Variants in ZNF423 observed in about 807,000 individuals in gnomAD.
ZNF423 encodes the protein zinc finger protein 423.
A neutral mutation model predicts 95.8 loss-of-function variants in ZNF423; 12 were observed. That is an observed-to-expected ratio of 0.13 (90% CI 0.08 to 0.20). The LOEUF (loss-of-function observed/expected upper bound fraction) is 0.20, where lower values mean the gene tolerates loss of function less well. Ranked by LOEUF, ZNF423 falls within the 10% of genes least tolerant of loss-of-function variation. The pLI is 1.00. For synonymous variants in ZNF423, 749 were observed against 711.9 expected, an observed-to-expected ratio of 1.05 and a Z score of -0.83; for missense variants, 1,316 against 1,737.1, an observed-to-expected ratio of 0.76 and a Z score of 4.31.
At chr16:49,600,763 C>T (rs929380822) in intron 5 of ZNF423, among the ~76,000 whole-genome samples, 3 of 152,192 alleles carry the variant, frequency 2.0e-5, no homozygotes, top group Non-Finnish European at 2.9e-5. Flanking sequence ...AAGGCTCCCT[C>T]GGCCACAGAC....
At chr16:49,730,554 G>A in intron 3 of ZNF423, 1 of 600,906 alleles carries the variant, frequency 1.7e-6, no homozygotes, top group Non-Finnish European at 2.9e-6. Flanking sequence ...CCGGGACAGA[G>A]CACCACCATC....
At chr16:49,764,518 G>A (rs371041480) in intron 2 of ZNF423, 4 of 152,274 alleles carry the variant, frequency 2.6e-5, no homozygotes, top group East Asian at 1.9e-4. Flanking sequence ...TGAAAGGTGC[G>A]TGCGGGACCC....
intron 3 of ZNF423, among the ~76,000 whole-genome samples, chr16:49,680,412 G>A (rs562560916): frequency 2.0e-5 from 3 of 152,232 alleles, no homozygotes; most frequent in Non-Finnish European, 4.4e-5. Flanking sequence ...ATGGCAGGAC[G>A]GAAAGAGCTA....
chr16:49,777,997 C>T (rs1272610419), intron 2 of ZNF423, among the ~76,000 whole-genome samples: 3 of 152,162 alleles, frequency 2.0e-5, no homozygotes, highest in African/African-American at 7.2e-5. Context: ...AGTAGAATAG[C>T]ATAAGTAAAA....
At chr16:49,741,527 GA>G (rs2143494968) in intron 2 of ZNF423, among the ~76,000 whole-genome samples, 1 of 152,146 alleles carries the variant, frequency 6.6e-6, no homozygotes, top group African/African-American at 2.4e-5. Context: ...GAAGAAGAAG[GA>G]GGAGGAAATC....
At chr16:49,707,301 TG>T (rs2143070125) in intron 3 of ZNF423, among the ~76,000 whole-genome samples, 1 of 152,196 alleles carries the variant, frequency 6.6e-6, no homozygotes, top group East Asian at 1.9e-4. Context: ...GGTCAAGATG[TG>T]GGGAGAACCT....
intron 2 of ZNF423, among the ~76,000 whole-genome samples, chr16:49,749,868 T>C (rs1241731968): frequency 1.3e-5 from 2 of 152,212 alleles, no homozygotes; most frequent in African/African-American, 4.8e-5. Flanking sequence ...CCTGGGAGTC[T>C]TTGCATTAAG....
intron 3 of ZNF423, among the ~76,000 whole-genome samples, chr16:49,651,601 A>G (rs949576662): frequency 3.9e-5 from 6 of 152,346 alleles, no homozygotes; most frequent in East Asian, 1.9e-4. Flanking sequence ...CCCTTGCTCA[A>G]TTTTACAGAT....
At chr16:49,527,940 A>T (rs2151713651) in intron 5 of ZNF423, among the ~76,000 whole-genome samples, 1 of 152,174 alleles carries the variant, frequency 6.6e-6, no homozygotes, top group East Asian at 1.9e-4. Flanking sequence ...GCACACACAC[A>T]CACACGACTA....
rs8055361 is a variant in ZNF423 at position 49,679,142 on chromosome 16, A to G, written c.302-40268T>C. On this transcript the variant is annotated intron_variant, in intron 3 of 7. Coordinates refer to ENST00000563137, the MANE Select transcript of ZNF423 (RefSeq NM_001379286.1). ...TGTTCAGTATACACAGGGTCTCACT[A>G]TGTTGCCCAGGTTGGTCTTGAACCC... 5.9e-3 allele frequency among the ~76,000 whole-genome samples: 892 copies of G among 152,326 alleles called. 11 individuals carry two copies. Among genetic ancestry groups the G allele is most frequent in the African/African-American group, 0.02 (819 of 41,578 alleles).
intron 3 of ZNF423, among the ~76,000 whole-genome samples, chr16:49,658,323 C>T (rs529417013): frequency 1.1e-4 from 16 of 152,172 alleles, no homozygotes; most frequent in Admixed American, 2.0e-4. Context: ...GTGGGCTGGG[C>T]GCTGCAAGGA....
At chr16:49,676,920 A>C (rs772404647) in intron 3 of ZNF423, among the ~76,000 whole-genome samples, 1 of 152,128 alleles carries the variant, frequency 6.6e-6, no homozygotes, top group Non-Finnish European at 1.5e-5. Flanking sequence ...AGAGCTTTTT[A>C]GAAATGTAGA....
intron 7 of ZNF423, among the ~76,000 whole-genome samples, chr16:49,491,537 T>G (rs1049331473): frequency 6.9e-6 from 1 of 145,550 alleles, no homozygotes; most frequent in East Asian, 2.0e-4. Flanking sequence ...TATGTTGTTT[T>G]TTGGCTTTTT....
At chr16:49,811,301 A>G (rs911260563) in intron 1 of ZNF423, among the ~76,000 whole-genome samples, 4 of 152,122 alleles carry the variant, frequency 2.6e-5, no homozygotes, top group Non-Finnish European at 5.9e-5. Flanking sequence ...ACCCCCAAGA[A>G]AGTCAAGGCT....
intron 3 of ZNF423, among the ~76,000 whole-genome samples, chr16:49,693,818 C>G (rs1402490153): frequency 6.6e-6 from 1 of 152,196 alleles, no homozygotes; most frequent in African/African-American, 2.4e-5. Flanking sequence ...AAAGCAGAGA[C>G]AAGAACACTA....
chr16:49,536,754 T>G (rs1213945722), intron 5 of ZNF423, among the ~76,000 whole-genome samples: 1 of 152,222 alleles, frequency 6.6e-6, no homozygotes, highest in African/African-American at 2.4e-5. Flanking sequence ...TGAATATATT[T>G]AAACATTCAG....
chr16:49,506,335 AGATGGATG>A (rs1311694431), intron 7 of ZNF423, among the ~76,000 whole-genome samples: 1 of 152,116 alleles, frequency 6.6e-6, no homozygotes, highest in Non-Finnish European at 1.5e-5. Context: ...GATGATGGAC[AGATGGATG>A]GATGGGTAGA....
At chr16:49,819,743 A>G (rs1247342009) in intron 1 of ZNF423, among the ~76,000 whole-genome samples, 1 of 152,160 alleles carries the variant, frequency 6.6e-6, no homozygotes, top group Non-Finnish European at 1.5e-5. Context: ...CCCATCCATG[A>G]GTATCTGATT....
chr16:49,677,287 A>AGAAGAGAAGAGAAGGGAAGGGAAGG (rs2031122747), intron 3 of ZNF423, among the ~76,000 whole-genome samples: 1 of 82,324 alleles, frequency 1.2e-5, no homozygotes, highest in Non-Finnish European at 2.5e-5. Context: ...AGAAGAGAAG[A>AGAAGAGAAGAGAAGGGAAGGGAAGG]GAAGAGAAGA....
Sources: allele counts gnomAD v4.1 joint callset (sites outside exome capture counted in the v4.1 genomes callset), GRCh38; gene constraint gnomAD v4.1.1; transcripts MANE v1.5; gene names NCBI Gene and HGNC (gene_info 2026-07-23, HGNC 2026-07-21).